CFAP221: variants seen among roughly 807,000 people sequenced by gnomAD.
The protein encoded by CFAP221 is cilia and flagella associated protein 221.
A neutral mutation model predicts 113.1 loss-of-function variants in CFAP221; 97 were observed. That is an observed-to-expected ratio of 0.86 (90% CI 0.73 to 1.02). The LOEUF is 1.02. Among genes scored for constraint, CFAP221 ranks in the 50% least tolerant of loss-of-function variants. CFAP221 has a pLI of 0.00. For synonymous variants in CFAP221, 331 were observed against 354.4 expected, an observed-to-expected ratio of 0.93 and a Z score of 0.74; for missense variants, 1,025 against 1,013.4, an observed-to-expected ratio of 1.01 and a Z score of -0.16.
downstream of CFAP221, among the ~76,000 whole-genome samples, chr2:119,658,990 C>CA (rs797017807): frequency 0.013 from 998 of 75,354 alleles, 6 homozygotes; most frequent in African/African-American, 0.036. Flanking sequence ...GAGCCTGTCT[C>CA]AAAAAAAAAA....
At chr2:119,578,820 C>G (rs566657908) in intron 6 of CFAP221, among the ~76,000 whole-genome samples, 5 of 152,152 alleles carry the variant, frequency 3.3e-5, no homozygotes, top group Non-Finnish European at 7.4e-5. Flanking sequence ...CTTCACCCCC[C>G]TCTCTAGATA....
chr2:119,645,719 A>G (rs1358192264), intron 21 of CFAP221, among the ~76,000 whole-genome samples: 1 of 152,050 alleles, frequency 6.6e-6, no homozygotes, highest in African/African-American at 2.4e-5. Flanking sequence ...CCTGCTTTCC[A>G]TTGCTGCCTC....
chr2:119,628,687 A>G (rs1309260902), intron 16 of CFAP221, among the ~76,000 whole-genome samples: 2 of 152,242 alleles, frequency 1.3e-5, no homozygotes, highest in East Asian at 3.8e-4. Flanking sequence ...ATTCTAAAAT[A>G]TTTGTTAAGC....
intron 19 of CFAP221, among the ~76,000 whole-genome samples, chr2:119,636,852 A>G (rs981140247): frequency 3.9e-5 from 6 of 152,172 alleles, no homozygotes; most frequent in African/African-American, 1.4e-4. Context: ...GGGGATCTGA[A>G]GGATGACAAC....
intron 21 of CFAP221, among the ~76,000 whole-genome samples, chr2:119,642,532 CCTT>C (rs1687554022): frequency 1.0e-5 from 1 of 99,758 alleles, no homozygotes; most frequent in African/African-American, 3.7e-5. Flanking sequence ...AGCTCTCAGG[CCTT>C]TTTTTTTTTT....
chr2:119,568,319 CTTTATT>C (rs746910034), intron 6 of CFAP221, among the ~76,000 whole-genome samples: 7 of 150,730 alleles, frequency 4.6e-5, no homozygotes, highest in Non-Finnish European at 5.9e-5. Context: ...AGTGTTCTTC[CTTTATT>C]TTTATTTTTA....
intron 3 of CFAP221, among the ~76,000 whole-genome samples, chr2:119,550,133 CG>C: frequency 6.6e-6 from 1 of 152,314 alleles, no homozygotes; most frequent in South Asian, 2.1e-4. Context: ...TTTGCACATG[CG>C]CCCTCTGAGA....
chr2:119,598,032 G>C (rs889999405), intron 7 of CFAP221, among the ~76,000 whole-genome samples: 4 of 152,144 alleles, frequency 2.6e-5, no homozygotes, highest in African/African-American at 9.7e-5. Flanking sequence ...CTTGTCTCCA[G>C]ACTCTTTTCT....
intron 3 of CFAP221, among the ~76,000 whole-genome samples, chr2:119,551,334 T>C (rs1268991536): frequency 6.6e-6 from 1 of 152,220 alleles, no homozygotes; most frequent in African/African-American, 2.4e-5. Context: ...ATTTAGGGTA[T>C]TAAAGAAACA....
In CFAP221 at chr2:119,608,576, G is replaced by A. The variant is rs1392385255; in HGVS notation, c.1208G>A (p.Cys403Tyr). The A allele has an allele frequency of 1.2e-6, 2 of 1,611,512 alleles. No individual in the cohort carries two copies. Among genetic ancestry groups the A allele is most frequent in the African/African-American group, 2.7e-5 (2 of 74,694 alleles). The part of the protein sequence containing the change: ...KELTEEWQKA[C>Y]AKYKLDRGDP... ...CTTACTGAAGAGTGGCAAAAAGCAT[G>A]TGCCAAATATAAGGTCAGAGTTACT... is the stretch of plus-strand genomic sequence containing the variant. Residue 403 changes from cysteine to tyrosine, a missense_variant, in exon 12 of 24, where the codon TGT becomes TAT. Cys to Tyr is a radical substitution (Grantham distance 194). Transcript: ENST00000413369.
intron 21 of CFAP221, among the ~76,000 whole-genome samples, chr2:119,643,580 T>C (rs553583935): frequency 3.6e-4 from 55 of 152,262 alleles, no homozygotes; most frequent in African/African-American, 1.3e-3. Flanking sequence ...AGTCTCACTC[T>C]GTCACCCAGG....
chr2:119,605,950 A>G (rs1265325592), intron 11 of CFAP221, among the ~76,000 whole-genome samples: 1 of 152,174 alleles, frequency 6.6e-6, no homozygotes, highest in African/African-American at 2.4e-5. Flanking sequence ...ATAATAGCCA[A>G]AAAGTGGAAA....
intron 16 of CFAP221, 51 bp from the exon 17 acceptor site, chr2:119,629,824 C>A (rs1257518884): frequency 1.4e-6 from 2 of 1,384,968 alleles, no homozygotes; most frequent in Non-Finnish European, 2.0e-6. Context: ...GAAGCATAGC[C>A]ACTCTTGCTC....
Position 119,594,966 on chromosome 2 carries a change from G to C in CFAP221, c.632-6252G>C, listed in dbSNP as rs1055905010. Reference sequence around the variant, plus strand: ...GTCTGTGTATTCAAGCCCTCTGAGAGAACATCTCCCATCTCTGCTCAGTGG... The same window carrying C: ...GTCTGTGTATTCAAGCCCTCTGAGACAACATCTCCCATCTCTGCTCAGTGG... On this transcript the variant is annotated intron_variant, in intron 7 of 23. Transcript: ENST00000413369. 7.2e-5 allele frequency among the ~76,000 whole-genome samples: 11 copies of C among 152,178 alleles called. No homozygotes were observed. In the South Asian group the frequency reaches 2.3e-3, roughly 32 times the overall value.
intron 23 of CFAP221, among the ~76,000 whole-genome samples, 172 bp downstream of exon 23, chr2:119,652,241 TC>T (rs1202884059): frequency 1.3e-5 from 2 of 152,242 alleles, no homozygotes; most frequent in African/African-American, 4.8e-5. Context: ...ACAATTACAC[TC>T]CCTGAAATCT....
chr2:119,651,213 G>T (rs559831400), intron 22 of CFAP221, among the ~76,000 whole-genome samples: 6 of 152,274 alleles, frequency 3.9e-5, no homozygotes, highest in African/African-American at 1.4e-4. Context: ...AACATGCAGT[G>T]GCCCAGCCTG....
chr2:119,639,758 C>G, intron 20 of CFAP221, 23 bp from the exon 21 acceptor site: 1 of 1,590,646 alleles, frequency 6.3e-7, no homozygotes, highest in Non-Finnish European at 8.6e-7. Flanking sequence ...CAGTTGCTTC[C>G]CATGTGCTGA....
chr2:119,615,485 T>C, intron 13 of CFAP221, 126 bp from the exon 14 acceptor site: 3 of 708,260 alleles, frequency 4.2e-6, no homozygotes, highest in Non-Finnish European at 4.7e-6. Context: ...AAATAAATGC[T>C]CACTAAGCAA....
intron 19 of CFAP221, among the ~76,000 whole-genome samples, chr2:119,637,534 T>G (rs1222297166): frequency 6.6e-6 from 1 of 152,206 alleles, no homozygotes; most frequent in Non-Finnish European, 1.5e-5. Context: ...TAGTGGTTAT[T>G]AAACATCAAA....
Sources: gnomAD v4.1 joint callset for allele counts (sites outside exome capture counted in the v4.1 genomes callset) on GRCh38, gnomAD v4.1.1 for gene constraint, MANE v1.5 for transcripts, NCBI Gene and HGNC (gene_info 2026-07-23, HGNC 2026-07-21) for gene names.